RGS5: variants seen among roughly 807,000 people sequenced by gnomAD.
RGS5 encodes regulator of G-protein signalling 5.
A neutral mutation model predicts 18.9 loss-of-function variants in RGS5; 20 were observed. That is an observed-to-expected ratio of 1.06 (90% CI 0.74 to 1.54). RGS5 has a LOEUF of 1.54. Among genes scored for constraint, RGS5 ranks in the 40% most tolerant of loss-of-function variants. The pLI is 0.00. For missense variants in RGS5, 201 were observed against 211.8 expected (o/e 0.95, Z 0.32); for synonymous variants, 57 against 76.2 (o/e 0.75, Z 1.31).
At chr1:163,191,069 G>A (rs1659331732) in intron 1 of RGS5, among the ~76,000 whole-genome samples, 1 of 152,164 alleles carries the variant, frequency 6.6e-6, no homozygotes, top group South Asian at 2.1e-4. Flanking sequence ...GAGTACTACA[G>A]CAAGGCAGAG....
At chr1:163,174,193 G>A (rs1658436780) in intron 1 of RGS5, among the ~76,000 whole-genome samples, 1 of 152,076 alleles carries the variant, frequency 6.6e-6, no homozygotes, top group Admixed American at 6.5e-5. Flanking sequence ...TATCCTCAGA[G>A]CCCTCTGAAT....
chr1:163,263,455 A>G (rs952295264), intron 2 of RGS5, among the ~76,000 whole-genome samples: 2 of 152,154 alleles, frequency 1.3e-5, no homozygotes, highest in Non-Finnish European at 2.9e-5. Flanking sequence ...TATTAGGCTA[A>G]GTATAACTTA....
At chr1:163,147,550 T>G in intron 4 of RGS5, 47 bp from the exon 5 acceptor site, 2 of 1,452,584 alleles carry the variant, frequency 1.4e-6, no homozygotes, top group Non-Finnish European at 1.8e-6. Context: ...AGTTATAGAA[T>G]TTGATGAGGG....
intron 2 of RGS5, among the ~76,000 whole-genome samples, chr1:163,305,869 T>A (rs1419545895): frequency 6.6e-6 from 1 of 152,214 alleles, no homozygotes; most frequent in Non-Finnish European, 1.5e-5. Flanking sequence ...GCTGGTCAGC[T>A]TGGAGAACTG....
At chr1:163,193,620 A>C (rs538509502) in intron 1 of RGS5, among the ~76,000 whole-genome samples, 1 of 152,252 alleles carries the variant, frequency 6.6e-6, no homozygotes, top group South Asian at 2.1e-4. Flanking sequence ...CCTAGTCTGG[A>C]GGCAAACTAT....
chr1:163,318,189 C>T lies in RGS5; in HGVS notation c.-378+3433G>A, dbSNP rs536754288. On this transcript the variant is annotated intron_variant, in intron 1 of 5. Coordinates refer to the RGS5 transcript ENST00000618415. ...CAGGTGTAAAGCAGCCTCATGAATG[C>T]GAAGTGGGTAGGATGGGAGATGGTA... 5.9e-5 allele frequency among the ~76,000 whole-genome samples: 9 copies of T among 152,064 alleles called. No homozygotes were observed. In the East Asian group the frequency reaches 9.7e-4, roughly 16 times the overall value.
intron 1 of RGS5, among the ~76,000 whole-genome samples, chr1:163,216,477 T>C (rs997016369): frequency 1.3e-5 from 2 of 152,274 alleles, no homozygotes; most frequent in East Asian, 1.9e-4. Context: ...ATAAGATCCA[T>C]AAATAAACAC....
At chr1:163,199,429 G>A (rs970494526) in intron 1 of RGS5, among the ~76,000 whole-genome samples, 15 of 152,110 alleles carry the variant, frequency 9.9e-5, no homozygotes, top group African/African-American at 3.4e-4. Flanking sequence ...TCTAGGATTA[G>A]ATTTCTCCTT....
chr1:163,184,833 G>A (rs60831743), intron 1 of RGS5, among the ~76,000 whole-genome samples: 143 of 152,236 alleles, frequency 9.4e-4, no homozygotes, highest in African/African-American at 3.4e-3. Context: ...TGCAGCCCTA[G>A]GGATCCATTT....
At chr1:163,217,410 T>C in intron 1 of RGS5, 1 of 1,088,770 alleles carries the variant, frequency 9.2e-7, no homozygotes, top group Non-Finnish European at 1.2e-6. Context: ...GAGAAGAAAT[T>C]TGGGCCCTAA....
At chr1:163,285,550 A>G (rs1649120880) in intron 2 of RGS5, among the ~76,000 whole-genome samples, 2 of 149,082 alleles carry the variant, frequency 1.3e-5, no homozygotes, top group Admixed American at 1.3e-4. Context: ...AAACAAAAAC[A>G]AAACAAAACA....
chr1:163,159,164 T>C (rs2102390430), intron 3 of RGS5, among the ~76,000 whole-genome samples: 1 of 152,304 alleles, frequency 6.6e-6, no homozygotes, highest in East Asian at 1.9e-4. Flanking sequence ...GATTTCATAG[T>C]GTTCAAACAC....
chr1:163,305,455 C>T (rs1649671191), intron 2 of RGS5: 2 of 152,396 alleles, frequency 1.3e-5, no homozygotes, highest in South Asian at 2.1e-4. Context: ...AGAGATTCCG[C>T]ACCCCACCCC....
upstream of RGS5, among the ~76,000 whole-genome samples, chr1:163,217,947 T>C (rs1378399519): frequency 6.6e-6 from 1 of 152,000 alleles, no homozygotes; most frequent in East Asian, 1.9e-4. Flanking sequence ...CATGGAGCCA[T>C]GAGGAACCCA....
intron 2 of RGS5, among the ~76,000 whole-genome samples, chr1:163,280,715 T>G (rs1648970881): frequency 6.6e-6 from 1 of 151,764 alleles, no homozygotes; most frequent in Non-Finnish European, 1.5e-5. Context: ...TCAATGCAAT[T>G]CCTACCCAAA....
At chr1:163,294,386 C>T (rs751484755) in intron 2 of RGS5, among the ~76,000 whole-genome samples, 4 of 152,376 alleles carry the variant, frequency 2.6e-5, no homozygotes, top group South Asian at 4.1e-4. Flanking sequence ...TACGCCGTTA[C>T]GCCATCTGAA....
At chr1:163,263,601 A>G (rs1172640209) in intron 2 of RGS5, among the ~76,000 whole-genome samples, 4 of 152,140 alleles carry the variant, frequency 2.6e-5, no homozygotes, top group Non-Finnish European at 5.9e-5. Flanking sequence ...AAATTATAGG[A>G]AAGTGGGAAA....
rs114011083 is a variant in RGS5, at chr1:163,214,591, C to T, written c.69+2935G>A. On this transcript the variant is annotated intron_variant, in intron 1 of 5. Transcript: ENST00000367903. ...CATGCTTCAGTCTCTCTTCAAGAAC[C>T]TAGCCTTAATCTCACCCCTACCACC... 4.6e-3 allele frequency among the ~76,000 whole-genome samples: 705 copies of T among 152,204 alleles called. 8 individuals carry two copies. Among genetic ancestry groups the T allele is most frequent in the African/African-American group, 0.015 (620 of 41,546 alleles).
intron 2 of RGS5, among the ~76,000 whole-genome samples, chr1:163,254,425 G>GT (rs965242947): frequency 8.3e-4 from 127 of 152,200 alleles, no homozygotes; most frequent in African/African-American, 3.0e-3. Context: ...TTTTTCATGT[G>GT]TTTTTTGGCT....
Sources: allele counts gnomAD v4.1 joint callset (sites outside exome capture counted in the v4.1 genomes callset), GRCh38; gene constraint gnomAD v4.1.1; transcripts MANE v1.5; gene names NCBI Gene and HGNC (gene_info 2026-07-23, HGNC 2026-07-21).